The following SSH2 variants were observed in gnomAD, a reference collection of about 807,000 sequenced individuals.
SSH2 encodes slingshot protein phosphatase 2.
SSH2 carries 37 observed loss-of-function variants against 135.2 expected under a neutral mutation model. The ratio of observed to expected loss-of-function variants is 0.27; its 90% confidence interval spans 0.21 to 0.36. The LOEUF (loss-of-function observed/expected upper bound fraction) is 0.36. Among genes scored for constraint, SSH2 ranks in the 10% least tolerant of loss-of-function variants. SSH2 has a pLI of 1.00. For synonymous variants in SSH2, 628 were observed against 646.2 expected (o/e 0.97, Z 0.43); for missense variants, 1,408 against 1,765.3 (o/e 0.80, Z 3.63).
chr17:29,734,147 TC>T (rs2040291615), intron 3 of SSH2, among the ~76,000 whole-genome samples: 1 of 152,100 alleles, frequency 6.6e-6, no homozygotes, highest in Admixed American at 6.5e-5. Flanking sequence ...GGTCTCGAAC[TC>T]CTGAACTTGT....
intron 1 of SSH2, among the ~76,000 whole-genome samples, chr17:29,892,600 C>T (rs574628964): frequency 5.9e-5 from 9 of 152,096 alleles, no homozygotes; most frequent in African/African-American, 2.2e-4. Flanking sequence ...TTAACATTGT[C>T]TCGACCATGA....
chr17:29,841,892 ATTTTTTTT>A (rs770836134), intron 2 of SSH2, among the ~76,000 whole-genome samples: 2 of 99,640 alleles, frequency 2.0e-5, no homozygotes, highest in East Asian at 6.3e-4. Flanking sequence ...CCCTTGGCTA[ATTTTTTTT>A]TTTTTTTTTT....
chr17:29,705,275 G>A (rs1261502623), intron 3 of SSH2, among the ~76,000 whole-genome samples: 2 of 152,106 alleles, frequency 1.3e-5, no homozygotes, highest in Non-Finnish European at 2.9e-5. Flanking sequence ...TATTTAAAAA[G>A]TTTTTCTTAA....
intron 1 of SSH2, among the ~76,000 whole-genome samples, chr17:29,866,348 T>C (rs75212986): frequency 0.013 from 2,032 of 152,298 alleles, 41 homozygotes; most frequent in African/African-American, 0.047. Flanking sequence ...TCCAGTGAGA[T>C]GCAAAAGCAG....
intron 2 of SSH2, among the ~76,000 whole-genome samples, chr17:29,815,675 G>A (rs2042545679): frequency 6.6e-6 from 1 of 152,170 alleles, no homozygotes. Flanking sequence ...ACAAGTGAAA[G>A]CCTCTGCTGG....
rs2036712641 is a variant in SSH2, at chr17:29,654,703, T to C, written c.1079+858A>G. ...ATGGCAGCTTTTTACTTGCTGAATGTTCACTGTAGTCTCTATTGTTACAAT... is the reference window on the plus strand; with the variant it reads ...ATGGCAGCTTTTTACTTGCTGAATGCTCACTGTAGTCTCTATTGTTACAAT... On this transcript the variant is annotated intron_variant, in intron 12 of 15. Coordinates refer to ENST00000540801, the MANE Select transcript of SSH2 (RefSeq NM_001282129.2). Among the ~76,000 whole-genome samples, 10 of 152,242 alleles carry C rather than the reference T, an allele frequency of 6.6e-5. No individual in the cohort carries two copies. In the South Asian group the frequency reaches 2.1e-3, roughly 31 times the overall value.
At chr17:29,752,678 C>G (rs1170538011) in intron 3 of SSH2, among the ~76,000 whole-genome samples, 1 of 151,878 alleles carries the variant, frequency 6.6e-6, no homozygotes, top group Non-Finnish European at 1.5e-5. Flanking sequence ...ACAGATTTGA[C>G]TATATAAAAA....
At chr17:29,845,345 G>C (rs770684526) in intron 2 of SSH2, among the ~76,000 whole-genome samples, 5 of 152,126 alleles carry the variant, frequency 3.3e-5, no homozygotes, top group Non-Finnish European at 5.9e-5. Context: ...TTACAAAGAA[G>C]CTCTTCAATT....
At chr17:29,696,174 TACACACACACACAC>T (rs199942164) in intron 4 of SSH2, among the ~76,000 whole-genome samples, 3 of 137,124 alleles carry the variant, frequency 2.2e-5, no homozygotes, top group Admixed American at 7.8e-5. Context: ...TGTATATATA[TACACACACACACAC>T]ACACACACAC....
intron 3 of SSH2, among the ~76,000 whole-genome samples, chr17:29,756,134 G>A (rs1462771196): frequency 6.6e-6 from 1 of 151,588 alleles, no homozygotes; most frequent in South Asian, 2.1e-4. Context: ...TTAGCCAGGC[G>A]TGGTGGTGCA....
In SSH2 at chr17:29,913,806, GTATT is replaced by G. The variant is rs1599186695; in HGVS notation, c.63+16128_63+16131del. ...AGCACCACCACGCCGGCCTAATTTT[GTATT>G]TTTAGTAGAGACGGGATTTCTCCAC... On this transcript the variant is annotated intron_variant, in intron 1 of 15. Coordinates refer to ENST00000540801, the MANE Select transcript of SSH2 (RefSeq NM_001282129.2). 2.0e-5 allele frequency among the ~76,000 whole-genome samples: 3 copies of G among 151,844 alleles called. No individual in the cohort carries two copies. In the East Asian group the frequency reaches 5.8e-4, roughly 30 times the overall value.
intron 1 of SSH2, among the ~76,000 whole-genome samples, chr17:29,890,589 T>A (rs1039788975): frequency 2.0e-5 from 3 of 152,136 alleles, no homozygotes; most frequent in Non-Finnish European, 4.4e-5. Context: ...AGGGAAGTTA[T>A]AGAGACAGAG....
At chr17:29,816,314 A>G (rs1442986031) in intron 2 of SSH2, among the ~76,000 whole-genome samples, 1 of 152,228 alleles carries the variant, frequency 6.6e-6, no homozygotes, top group East Asian at 1.9e-4. Flanking sequence ...GTAGATCTAT[A>G]GAGATATATT....
intron 1 of SSH2, among the ~76,000 whole-genome samples, chr17:29,891,521 C>A (rs1415910609): frequency 6.6e-6 from 1 of 151,656 alleles, no homozygotes; most frequent in African/African-American, 2.4e-5. Context: ...TGAAAGCAGG[C>A]TCAAGCAAGC....
intron 3 of SSH2, among the ~76,000 whole-genome samples, chr17:29,766,898 C>A (rs2041459264): frequency 6.6e-6 from 1 of 152,052 alleles, no homozygotes; most frequent in Non-Finnish European, 1.5e-5. Context: ...TGAATTTTCA[C>A]CAAGAGGTAT....
intron 2 of SSH2, 23 bp downstream of exon 2, chr17:29,848,826 T>C (rs2065493291): frequency 6.9e-7 from 1 of 1,455,954 alleles, no homozygotes; most frequent in East Asian, 2.5e-5. Flanking sequence ...CCAAAGTCTG[T>C]ATAAAAACAT....
intron 1 of SSH2, among the ~76,000 whole-genome samples, chr17:29,893,804 C>A (rs978645553): frequency 4.6e-5 from 7 of 152,096 alleles, no homozygotes; most frequent in Admixed American, 1.3e-4. Flanking sequence ...ATGAGTTTCT[C>A]CAATGTTTTC....
intron 11 of SSH2, among the ~76,000 whole-genome samples, chr17:29,664,951 A>T (rs535222633): frequency 1.3e-5 from 2 of 152,182 alleles, no homozygotes; most frequent in African/African-American, 4.8e-5. Context: ...ACTGTATTTC[A>T]TATTTATCAT....
At chr17:29,671,032 A>G (rs2037471012) in intron 9 of SSH2, among the ~76,000 whole-genome samples, 1 of 152,218 alleles carries the variant, frequency 6.6e-6, no homozygotes, top group Admixed American at 6.5e-5. Context: ...ACATAGACCT[A>G]AAAAGGAAAT....
Sources: gnomAD v4.1 joint callset for allele counts (sites outside exome capture counted in the v4.1 genomes callset) on GRCh38, gnomAD v4.1.1 for gene constraint, MANE v1.5 for transcripts, NCBI Gene and HGNC (gene_info 2026-07-23, HGNC 2026-07-21) for gene names.